RET: variants seen among roughly 807,000 people sequenced by gnomAD.
RET encodes proto-oncogene tyrosine-protein kinase receptor Ret.
Under a neutral mutation model 118.3 loss-of-function variants are expected in RET, and 19 were observed. The ratio of observed to expected loss-of-function variants is 0.16; its 90% CI spans 0.11 to 0.24. The LOEUF (loss-of-function observed/expected upper bound fraction) is 0.24, where lower values mean the gene tolerates loss of function less well. RET is among the 10% of genes least tolerant of loss of function. The pLI is 1.00. For synonymous variants in RET, 597 were observed against 644.1 expected, an observed-to-expected ratio of 0.93 and a Z score of 1.11; for missense variants, 1,219 against 1,502.1, an observed-to-expected ratio of 0.81 and a Z score of 3.12.
At position 43,100,605 on chromosome 10, in the gene RET, G is replaced by A. The variant is rs764938319; in HGVS notation, c.220G>A (p.Gly74Ser). ...CTTCCGCCTGGGCCAGCATCTCTAC[G>A]GCACGTACCGCACACGGCTGCATGA... ...PSFRLGQHLY[G>S]TYRTRLHENN... The change falls in exon 2 of 20, where the codon GGC becomes AGC. Residue 74 changes from glycine (G) to serine (S), a missense_variant. Around this residue, in one of 5 missense-constraint regions of RET, gnomAD observed 84 missense variants for 163.6 expected, o/e 0.51. Transcript: ENST00000355710. 61 of 1,613,790 alleles carry A rather than the reference G, an allele frequency of 3.8e-5. No homozygotes were observed. The East Asian group carries it at 8.7e-4, about 23-fold the overall frequency.
At chr10:43,123,865 T>G in intron 17 of RET, 57 bp downstream of exon 17, 1 of 1,611,590 alleles carries the variant, frequency 6.2e-7, no homozygotes, top group Non-Finnish European at 8.5e-7. Flanking sequence ...GACATCTGTG[T>G]GCATTCCCTC....
chr10:43,125,000 A>G lies in RET; in HGVS notation c.3039+18A>G, dbSNP rs1838300264. 2 of 1,612,526 alleles carry G rather than the reference A, an allele frequency of 1.2e-6. No individual in the cohort carries two copies. Among genetic ancestry groups the G allele is most frequent in the Non-Finnish European group, 8.5e-7 (1 of 1,178,588 alleles). ...AGAGGAGAGTGAGTGCCTGGGTCCA[A>G]TTCCCACAAGCTGAAAGTGGCTTGG... On this transcript the variant is annotated intron_variant, in intron 18 of 19. Coordinates refer to ENST00000355710, the MANE Select transcript of RET (RefSeq NM_020975.6).
intron 2 of RET, 186 bp from the exon 3 acceptor site, chr10:43,102,156 G>C: frequency 1.4e-6 from 1 of 711,386 alleles, no homozygotes. Context: ...GGGCATTGGT[G>C]CTGGGCAGCA....
intron 17 of RET, 75 bp downstream of exon 17, chr10:43,123,883 A>G: frequency 6.2e-7 from 1 of 1,606,480 alleles, no homozygotes. Flanking sequence ...CTCCCCATCC[A>G]GAGCAGCCCC....
chr10:43,102,316 C>T (rs1375506258), intron 2 of RET, 26 bp from the exon 3 acceptor site: 2 of 1,612,482 alleles, frequency 1.2e-6, no homozygotes, highest in East Asian at 2.2e-5. Context: ...GGCCGATGCC[C>T]CCACAGACCT....
chr10:43,117,479 C>G (rs1193346662), intron 12 of RET, among the ~76,000 whole-genome samples: 1 of 152,242 alleles, frequency 6.6e-6, no homozygotes, highest in Non-Finnish European at 1.5e-5. Context: ...GTCCTGGGGC[C>G]CCAACTCCCA....
At chr10:43,101,636 G>T (rs1200477089) in intron 2 of RET, among the ~76,000 whole-genome samples, 1 of 152,228 alleles carries the variant, frequency 6.6e-6, no homozygotes, top group African/African-American at 2.4e-5. Flanking sequence ...TGTGGAATTT[G>T]CCCTGGGCCT....
At chr10:43,127,048 G>T in intron 19 of RET, 1 of 1,263,196 alleles carries the variant, frequency 7.9e-7, no homozygotes, top group Non-Finnish European at 1.0e-6. Context: ...TGGGAATCAA[G>T]TCATAGTACT....
chr10:43,117,713 A>T (rs1838105258), intron 12 of RET, among the ~76,000 whole-genome samples: 2 of 152,202 alleles, frequency 1.3e-5, no homozygotes, highest in South Asian at 4.1e-4. Context: ...TGTTTCCATC[A>T]TGCCTCTACA....
In RET at chr10:43,113,596, G is replaced by C. The variant is rs2132828104; in HGVS notation, c.1800G>C (p.Arg600=). The change falls in exon 10 of 20, where the codon CGG becomes CGC. Residue 600 remains arginine (R), a synonymous_variant. Transcript: ENST00000355710. Reference sequence around the variant, plus strand: ...GGGGACACGAGCCTGGGGAGCCCCGGGGGATTAAAGCTGGCTATGGCACCT... The same window carrying C: ...GGGGACACGAGCCTGGGGAGCCCCGCGGGATTAAAGCTGGCTATGGCACCT... The part of the protein sequence containing the change: ...IVGGHEPGEP[R]GIKAGYGTCN... 1 of 1,612,186 alleles carries C rather than the reference G, an allele frequency of 6.2e-7. No homozygotes were observed. Among genetic ancestry groups the C allele is most frequent in the African/African-American group, 1.3e-5 (1 of 75,038 alleles).
At chr10:43,111,070 G>T in intron 6 of RET, 137 bp from the exon 7 acceptor site, 1 of 1,217,868 alleles carries the variant, frequency 8.2e-7, no homozygotes, top group Non-Finnish European at 1.2e-6. Context: ...GTGGAGGACA[G>T]GGTGCTCGGG....
chr10:43,118,570 T>TA, intron 13 of RET, 90 bp downstream of exon 13: 1 of 946,296 alleles, frequency 1.1e-6, no homozygotes, highest in Non-Finnish European at 1.7e-6. Flanking sequence ...TCCCTTTCCC[T>TA]ACTGCTCCTG....
At position 43,114,561 on chromosome 10, in the gene RET, C is replaced by T. The variant is rs1266281603; in HGVS notation, c.1961C>T (p.Ala654Val). The T allele has an allele frequency of 1.2e-6, 2 of 1,611,914 alleles. No homozygotes were observed. The highest frequency in any genetic ancestry group is 4.5e-5 in the East Asian group (2 of 44,872). Reference sequence around the variant, plus strand: ...TTCATCGTCTCGGTGCTGCTGTCTGCCTTCTGCATCCACTGCTACCACAAG... The same window carrying T: ...TTCATCGTCTCGGTGCTGCTGTCTGTCTTCTGCATCCACTGCTACCACAAG... ...FSFIVSVLLS[A>V]FCIHCYHKFA... The change falls in exon 11 of 20, where the codon GCC (alanine) becomes GTC (valine). Residue 654 changes from alanine to valine, a missense_variant. This residue lies in a region of RET where 850 missense variants were observed against 969.6 expected (regional missense o/e 0.88). Transcript: ENST00000355710. The surrounding 1 kb of genome is among the most constrained non-coding windows in gnomAD (Gnocchi z 4.6).
chr10:43,118,265 CTCTG>C, intron 12 of RET, 104 bp from the exon 13 acceptor site: 1 of 854,074 alleles, frequency 1.2e-6, no homozygotes, highest in Admixed American at 2.0e-5. Flanking sequence ...TTGCAGGCCT[CTCTG>C]TCTGAACTTG....
intron 3 of RET, chr10:43,104,637 AGG>A: frequency 2.0e-6 from 1 of 512,258 alleles, no homozygotes; most frequent in Non-Finnish European, 3.5e-6. Context: ...AGGTGGGCGG[AGG>A]GGTGTCCCAG....
rs1838384046 is a variant in RET at position 43,128,616 on chromosome 10, G to A, written c.*347G>A. The A allele has an allele frequency of 9.1e-6, 4 of 439,366 alleles. No individual in the cohort carries two copies. The highest frequency in any genetic ancestry group is 2.0e-5 in the African/African-American group (1 of 51,210). 27.2% of individuals were successfully genotyped at this position (439,366 alleles called of 1,614,324 possible). A position where few individuals can be genotyped will look rare whatever the true frequency, so the allele number is the denominator to read the frequency against. ...GTGGGTCCAACACTTACTACCTGGT[G>A]TATGAAATTGGACCTGAACTGTTGG... On this transcript the variant is annotated 3_prime_UTR_variant, in exon 20 of 20. Transcript: ENST00000355710.
rs1198032104 is a variant in RET at position 43,128,263 on chromosome 10, T to C, written c.3339T>C (p.Asp1113=). Reference sequence around the variant, plus strand: ...CGGCAAAATTAATGGACACGTTTGATAGTTAACATTTCTTTGTGAAAGGTA... The same window carrying C: ...CGGCAAAATTAATGGACACGTTTGACAGTTAACATTTCTTTGTGAAAGGTA... ...PSAAKLMDTF[D]S The change falls in exon 20 of 20, where the codon GAT becomes GAC. Residue 1113 remains aspartate (D), a synonymous_variant. Coordinates refer to ENST00000355710, the MANE Select transcript of RET (RefSeq NM_020975.6). The C allele has an allele frequency of 6.2e-7, 1 of 1,614,194 alleles. No individual in the cohort carries two copies. The highest frequency in any genetic ancestry group is 2.2e-5 in the East Asian group (1 of 44,888).
chr10:43,086,712 C>T (rs564244171), intron 1 of RET, among the ~76,000 whole-genome samples: 4 of 152,238 alleles, frequency 2.6e-5, no homozygotes, highest in South Asian at 2.1e-4. Flanking sequence ...GCATAGAAGC[C>T]GGAAGCAACT....
intron 13 of RET, among the ~76,000 whole-genome samples, 167 bp downstream of exon 13, chr10:43,118,647 C>G (rs562133489): frequency 6.6e-6 from 1 of 152,366 alleles, no homozygotes; most frequent in South Asian, 2.1e-4. Flanking sequence ...TTGTGTCTAG[C>G]TGAGTCCACG....
Sources: gnomAD v4.1 joint callset for allele counts (sites outside exome capture counted in the v4.1 genomes callset) on GRCh38, gnomAD v4.1.1 for gene constraint, gnomAD v4.1.1 regional missense constraint, Gnocchi (gnomAD v3.1) non-coding constraint, MANE v1.5 for transcripts, NCBI Gene and HGNC (gene_info 2026-07-23, HGNC 2026-07-21) for gene names.